The following PHF3 variants were observed in gnomAD, a reference collection of about 807,000 sequenced individuals.
The protein encoded by PHF3 is PHD finger protein 3.
PHF3 carries 41 observed loss-of-function variants against 178.4 expected under a neutral mutation model. That is an observed-to-expected ratio of 0.23 (90% CI 0.18 to 0.30). The LOEUF is 0.30. PHF3 is among the 10% of genes least tolerant of loss of function. PHF3 has a pLI of 1.00. For synonymous variants in PHF3, 842 were observed against 800.5 expected (o/e 1.05, Z -0.88); for missense variants, 2,346 against 2,398.1 (o/e 0.98, Z 0.45).
At chr6:63,652,348 G>T (rs1765052838) in intron 2 of PHF3, among the ~76,000 whole-genome samples, 2 of 152,100 alleles carry the variant, frequency 1.3e-5, no homozygotes, top group African/African-American at 4.8e-5. Flanking sequence ...TATTTTGAAA[G>T]ATGTCTTTTC....
chr6:63,660,169 A>G (rs769143246), intron 2 of PHF3, among the ~76,000 whole-genome samples: 1 of 152,084 alleles, frequency 6.6e-6, no homozygotes, highest in Non-Finnish European at 1.5e-5. Flanking sequence ...CTTAGTTATT[A>G]AAGACCAAGC....
In PHF3 at chr6:63,684,621, T is replaced by A; in HGVS notation, c.899T>A (p.Ile300Asn). The A allele has an allele frequency of 1.2e-6, 2 of 1,613,958 alleles. No homozygotes were observed. The highest frequency in any genetic ancestry group is 1.7e-6 in the Non-Finnish European group (2 of 1,179,932). Residue 300 changes from isoleucine (I) to asparagine (N), a missense_variant, in exon 4 of 16, where the codon ATT becomes AAT. Coordinates refer to ENST00000262043, the MANE Select transcript of PHF3 (RefSeq NM_001370348.2). ...GAAGAACATGAACAAAATGATTCCA[T>A]TTCAGGTAAAACGGGTGAGACTGTT... ...DKEEHEQNDS[I>N]SGKTGETVVE...
Position 63,711,797 on chromosome 6 carries a change from A to C in PHF3, c.4209A>C (p.Thr1403=). The C allele has an allele frequency of 6.2e-7, 1 of 1,613,564 alleles. No individual in the cohort carries two copies. The highest frequency in any genetic ancestry group is 1.1e-5 in the South Asian group (1 of 91,034). ...EEENDFFNSF[T]TVLHKQRNKP... ...AAAATGACTTTTTTAATTCTTTTAC[A>C]ACTGTATTACACAAGCAGAGAAATA... Residue 1403 remains threonine (T), a synonymous_variant, in exon 16 of 16, where the codon ACA becomes ACC. Transcript: ENST00000262043.
chr6:63,648,022 G>T (rs752761593), intron 2 of PHF3, among the ~76,000 whole-genome samples: 1 of 152,114 alleles, frequency 6.6e-6, no homozygotes, highest in Non-Finnish European at 1.5e-5. Flanking sequence ...GTTGGGAATA[G>T]GTGGTCTGCT....
At chr6:63,660,001 G>A (rs1029202565) in intron 2 of PHF3, among the ~76,000 whole-genome samples, 1 of 152,022 alleles carries the variant, frequency 6.6e-6, no homozygotes, top group African/African-American at 2.4e-5. Flanking sequence ...ATTTCATTTA[G>A]CTTTGTAGTC....
chr6:63,696,493 A>AT (rs1386189294), intron 6 of PHF3, among the ~76,000 whole-genome samples: 3 of 151,858 alleles, frequency 2.0e-5, no homozygotes, highest in South Asian at 2.1e-4. Context: ...TAATTTTTTG[A>AT]TTTTTTGTAG....
At chr6:63,639,518 G>T (rs1764485511) in intron 1 of PHF3, among the ~76,000 whole-genome samples, 1 of 151,988 alleles carries the variant, frequency 6.6e-6, no homozygotes, top group African/African-American at 2.4e-5. Context: ...TTTGTTTCTA[G>T]CATTTTTTAA....
In PHF3 at chr6:63,636,022, G is replaced by T; in HGVS notation, c.-154G>T. The T allele has an allele frequency of 2.5e-6, 1 of 396,952 alleles. No homozygotes were observed. The highest frequency in any genetic ancestry group is 1.3e-4 in the South Asian group (1 of 7,760). 24.6% of individuals were successfully genotyped at this position (396,952 alleles called of 1,614,324 possible). On this transcript the variant is annotated 5_prime_UTR_variant, in exon 1 of 16. Coordinates refer to ENST00000262043, the MANE Select transcript of PHF3 (RefSeq NM_001370348.2). Reference sequence around the variant, plus strand: ...CAGGAGGAAAAGAGGCTGTGGCAGCGACGCCGACGTCCTGCGCGTACCCCC... The same window carrying T: ...CAGGAGGAAAAGAGGCTGTGGCAGCTACGCCGACGTCCTGCGCGTACCCCC...
chr6:63,721,553 T>C lies in PHF3; in HGVS notation c.*7845T>C. 1 of 1,551,812 alleles carries C rather than the reference T, an allele frequency of 6.4e-7. No individual in the cohort carries two copies. The highest frequency in any genetic ancestry group is 8.7e-7 in the Non-Finnish European group (1 of 1,146,878). Reference sequence around the variant, plus strand: ...TGGGATTTACAAGATTTAAAGAAGATACTCCTCCAATATAGAAGTCTGTAT... The same window carrying C: ...TGGGATTTACAAGATTTAAAGAAGACACTCCTCCAATATAGAAGTCTGTAT... On this transcript the variant is annotated 3_prime_UTR_variant, in exon 16 of 16. Transcript: ENST00000262043.
rs1768022227 is a variant in PHF3 at position 63,712,940 on chromosome 6, C to G, written c.5352C>G (p.Ser1784=). The change falls in exon 16 of 16, where the codon TCC becomes TCG. Residue 1784 remains serine, a synonymous_variant. Transcript: ENST00000262043. Reference sequence around the variant, plus strand: ...CTTCTAAAAGCATCACCTTTACTTCCAGAAGCACCAGCCCCAGAACAAGTA... The same window carrying G: ...CTTCTAAAAGCATCACCTTTACTTCGAGAAGCACCAGCCCCAGAACAAGTA... ...EFPSKSITFT[S]RSTSPRTSTN... is the part of the protein sequence containing the mutation. The G allele has an allele frequency of 6.2e-7, 1 of 1,613,856 alleles. No individual in the cohort carries two copies. The highest frequency in any genetic ancestry group is 1.3e-5 in the African/African-American group (1 of 74,868).
intron 2 of PHF3, among the ~76,000 whole-genome samples, chr6:63,668,385 G>A (rs1451648465): frequency 6.6e-6 from 1 of 152,156 alleles, no homozygotes; most frequent in East Asian, 1.9e-4. Flanking sequence ...CCAGGCTGCA[G>A]TGCAGTGGCG....
chr6:63,701,559 T>C (rs1173634737), intron 9 of PHF3, among the ~76,000 whole-genome samples: 1 of 152,204 alleles, frequency 6.6e-6, no homozygotes, highest in East Asian at 1.9e-4. Context: ...TCATATTAAC[T>C]CTACATGATT....
At chr6:63,678,694 T>C (rs185806841) in intron 2 of PHF3, 357 of 308,266 alleles carry the variant, frequency 1.2e-3, no homozygotes, top group Non-Finnish European at 1.6e-3. Context: ...ATCCATTCTT[T>C]CCTCTCTTTA....
chr6:63,677,791 G>T (rs1014993572), intron 2 of PHF3, among the ~76,000 whole-genome samples: 1 of 151,830 alleles, frequency 6.6e-6, no homozygotes, highest in Non-Finnish European at 1.5e-5. Context: ...ACAGTCTGTT[G>T]TGTTTTTCCT....
rs1244779513 is a variant in PHF3, at chr6:63,712,443, A to G, written c.4855A>G (p.Asn1619Asp). 4.3e-6 allele frequency: 7 copies of G among 1,614,062 alleles called. No homozygotes were observed. Among genetic ancestry groups the G allele is most frequent in the Admixed American group, 1.7e-5 (1 of 59,984 alleles). The change falls in exon 16 of 16, where the codon AAT (asparagine) becomes GAT (aspartate). Residue 1619 changes from asparagine (N) to aspartate (D), a missense_variant. Asn to Asp is a conservative substitution (Grantham distance 23). Coordinates refer to ENST00000262043, the MANE Select transcript of PHF3 (RefSeq NM_001370348.2). Reference sequence around the variant, plus strand: ...TTCAAATAGTTCTCCATGCAGATCTAATGTAGGAAAAGGAAACATAGATGG... The same window carrying G: ...TTCAAATAGTTCTCCATGCAGATCTGATGTAGGAAAAGGAAACATAGATGG... Reference protein sequence around the residue: ...QTSNSSPCRSNVGKGNIDGNV... With the variant: ...QTSNSSPCRSDVGKGNIDGNV...
Position 63,711,227 on chromosome 6 carries a change from C to G in PHF3, c.3862C>G (p.Leu1288Val). The G allele has an allele frequency of 6.2e-7, 1 of 1,613,122 alleles. No individual in the cohort carries two copies. The highest frequency in any genetic ancestry group is 8.5e-7 in the Non-Finnish European group (1 of 1,179,474). Reference sequence around the variant, plus strand: ...AGAAGATCAAATTTCTTATACTTTGCTCTTTGCATACTTCAGTAGCAGAAA... The same window carrying G: ...AGAAGATCAAATTTCTTATACTTTGGTCTTTGCATACTTCAGTAGCAGAAA... ...TEEDQISYTL[L>V]FAYFSSRKRY... The change falls in exon 15 of 16, where the codon CTC becomes GTC. Residue 1288 changes from leucine to valine, a missense_variant. By Grantham distance (32) the Leu-to-Val change is conservative. Coordinates refer to ENST00000262043, the MANE Select transcript of PHF3 (RefSeq NM_001370348.2).
intron 1 of PHF3, among the ~76,000 whole-genome samples, chr6:63,643,950 C>G (rs901591238): frequency 6.6e-6 from 1 of 152,136 alleles, no homozygotes; most frequent in Non-Finnish European, 1.5e-5. Flanking sequence ...TTAGAATGGC[C>G]TGGTCTTCAG....
chr6:63,674,200 T>C (rs1012054208), intron 2 of PHF3, among the ~76,000 whole-genome samples: 1 of 144,280 alleles, frequency 6.9e-6, no homozygotes, highest in Non-Finnish European at 1.5e-5. Context: ...TGAGTTCTTA[T>C]TGAGACAATA....
At chr6:63,669,158 T>C (rs1765803304) in intron 2 of PHF3, among the ~76,000 whole-genome samples, 3 of 152,246 alleles carry the variant, frequency 2.0e-5, no homozygotes, top group African/African-American at 7.2e-5. Context: ...TACAGAAACA[T>C]TCTTGTGATG....
Sources: allele counts gnomAD v4.1 joint callset (sites outside exome capture counted in the v4.1 genomes callset), GRCh38; gene constraint gnomAD v4.1.1; transcripts MANE v1.5; gene names NCBI Gene and HGNC (gene_info 2026-07-23, HGNC 2026-07-21).